The following CD96 variants were observed in gnomAD, a reference collection of about 807,000 sequenced individuals.
CD96 encodes T-cell surface protein tactile.
A neutral mutation model predicts 71.3 loss-of-function variants in CD96; 70 were observed. The observed-to-expected ratio is 0.98, with a 90% CI of 0.81 to 1.20. The LOEUF (loss-of-function observed/expected upper bound fraction) is 1.20, where lower values mean the gene tolerates loss of function less well. Among genes scored for constraint, CD96 ranks in the 50% most tolerant of loss-of-function variants. The pLI, the probability that CD96 is intolerant of heterozygous loss-of-function variation, is 0.00. For missense variants in CD96, 742 were observed against 677.5 expected, an observed-to-expected ratio of 1.10 and a Z score of -1.06; for synonymous variants, 248 against 233.0, an observed-to-expected ratio of 1.06 and a Z score of -0.59.
At chr3:111,641,841 A>G (rs1939606004) in intron 12 of CD96, among the ~76,000 whole-genome samples, 1 of 152,252 alleles carries the variant, frequency 6.6e-6, no homozygotes, top group Non-Finnish European at 1.5e-5. Flanking sequence ...CAACTCCAGA[A>G]GGAACCTTCA....
intron 12 of CD96, among the ~76,000 whole-genome samples, chr3:111,640,944 A>C (rs964281026): frequency 3.3e-5 from 5 of 152,196 alleles, no homozygotes; most frequent in Non-Finnish European, 7.3e-5. Context: ...ATCCTGGGAG[A>C]ATTTTACCAA....
chr3:111,544,896 G>A, intron 1 of CD96, 150 bp from the exon 2 acceptor site: 1 of 723,608 alleles, frequency 1.4e-6, no homozygotes, highest in South Asian at 1.5e-5. Context: ...CTCTATCTGA[G>A]TGAGACACAA....
At chr3:111,618,392 A>G (rs1391660639) in intron 8 of CD96, among the ~76,000 whole-genome samples, 1 of 152,180 alleles carries the variant, frequency 6.6e-6, no homozygotes, top group Non-Finnish European at 1.5e-5. Flanking sequence ...AGTTCATACA[A>G]TTATTAGGAG....
At chr3:111,657,863 C>T (rs1294744281) in intron 14 of CD96, among the ~76,000 whole-genome samples, 3 of 152,132 alleles carry the variant, frequency 2.0e-5, no homozygotes, top group Admixed American at 1.3e-4. Context: ...CCCATGATGT[C>T]CACCTGTCCT....
chr3:111,594,045 G>A lies in CD96; in HGVS notation c.808-4075G>A, dbSNP rs967555755. On this transcript the variant is annotated intron_variant, in intron 5 of 13. Transcript: ENST00000352690. ...AAATATTCCCATGCCTCAGAGAACC[G>A]GGTGCCCTTGTTGTGGGGCATTGGA... 5.0e-6 allele frequency: 8 copies of A among 1,614,030 alleles called. No individual in the cohort carries two copies. Among genetic ancestry groups the A allele is most frequent in the African/African-American group, 1.3e-5 (1 of 74,914 alleles).
intron 2 of CD96, among the ~76,000 whole-genome samples, chr3:111,564,198 T>C (rs1361307754): frequency 6.6e-6 from 1 of 152,008 alleles, no homozygotes; most frequent in Non-Finnish European, 1.5e-5. Context: ...ATATTTTTCT[T>C]GAATTATAGT....
chr3:111,546,682 G>GA (rs552607751), intron 2 of CD96, among the ~76,000 whole-genome samples: 82 of 150,760 alleles, frequency 5.4e-4, no homozygotes, highest in South Asian at 2.3e-3. Context: ...GGTAATATAA[G>GA]AAAAAAAAAT....
At chr3:111,630,311 A>G (rs1938994932) in intron 10 of CD96, among the ~76,000 whole-genome samples, 1 of 152,188 alleles carries the variant, frequency 6.6e-6, no homozygotes, top group Admixed American at 6.5e-5. Flanking sequence ...CACAATCAGA[A>G]ATTATAAGAG....
At chr3:111,657,408 C>T (rs1411305158) in intron 14 of CD96, among the ~76,000 whole-genome samples, 5 of 150,742 alleles carry the variant, frequency 3.3e-5, no homozygotes, top group Admixed American at 2.0e-4. Context: ...GAGTAAGACT[C>T]CATTTCAAAA....
chr3:111,640,682 G>T (rs1288333174), intron 12 of CD96, among the ~76,000 whole-genome samples: 1 of 152,198 alleles, frequency 6.6e-6, no homozygotes, highest in Non-Finnish European at 1.5e-5. Context: ...GAGGCACATT[G>T]TCATTAGGTT....
chr3:111,619,539 CAG>C (rs1647705069), intron 8 of CD96, among the ~76,000 whole-genome samples: 1 of 152,206 alleles, frequency 6.6e-6, no homozygotes, highest in South Asian at 2.1e-4. Flanking sequence ...CTCCCTATCA[CAG>C]AGTTTGTCAT....
chr3:111,593,938 G>A (rs1937123931), intron 5 of CD96: 1 of 1,613,746 alleles, frequency 6.2e-7, no homozygotes, highest in African/African-American at 1.3e-5. Flanking sequence ...TGACCCCAGG[G>A]CCACGGCTCA....
intron 3 of CD96, 122 bp downstream of exon 3, chr3:111,567,769 G>A (rs1935790115): frequency 1.1e-6 from 1 of 895,098 alleles, no homozygotes; most frequent in East Asian, 2.5e-5. Context: ...TATGCCAGTG[G>A]TGGGAAGAGG....
intron 8 of CD96, among the ~76,000 whole-genome samples, chr3:111,618,100 G>T (rs548989876): frequency 6.6e-6 from 1 of 152,346 alleles, no homozygotes; most frequent in South Asian, 2.1e-4. Context: ...GTGCCTGGCT[G>T]TGTGCAGTGG....
chr3:111,626,961 A>G (rs769727821), intron 10 of CD96, among the ~76,000 whole-genome samples: 19 of 152,214 alleles, frequency 1.2e-4, no homozygotes, highest in Admixed American at 3.3e-4. Context: ...TCAGGACAGC[A>G]TTTGCTTTTG....
At chr3:111,646,540 TA>T (rs60291711) in intron 12 of CD96, among the ~76,000 whole-genome samples, 12,374 of 131,880 alleles carry the variant, frequency 0.094, 722 homozygotes, top group East Asian at 0.27. Context: ...TACTGAAAAG[TA>T]AAAAAAAAAA....
In CD96 at chr3:111,663,642, A is replaced by G. The variant is rs563149296; in HGVS notation, c.*53-1885A>G. Among the ~76,000 whole-genome samples the G allele has an allele frequency of 2.6e-5, 4 of 152,318 alleles. No homozygotes were observed. In the East Asian group the frequency reaches 7.7e-4, roughly 29 times the overall value. ...CAACATCACTAATCATTAGAGAAAC[A>G]CAAACCAAAATCACAATGAGATACC... On this transcript the variant is annotated intron_variant and NMD_transcript_variant, in intron 14 of 14. Transcript: ENST00000494798.
intron 5 of CD96, chr3:111,594,310 G>A: frequency 2.2e-6 from 3 of 1,380,920 alleles, no homozygotes; most frequent in Non-Finnish European, 2.9e-6. Context: ...TAACTCTTGG[G>A]GATTCACAAT....
intron 14 of CD96, among the ~76,000 whole-genome samples, chr3:111,658,133 T>C (rs1205145889): frequency 1.3e-5 from 2 of 152,196 alleles, no homozygotes; most frequent in African/African-American, 4.8e-5. Context: ...TGAAATACTT[T>C]GTTAGGTCAG....
Sources: allele counts gnomAD v4.1 joint callset (sites outside exome capture counted in the v4.1 genomes callset), GRCh38; gene constraint gnomAD v4.1.1; transcripts MANE v1.5; gene names NCBI Gene and HGNC (gene_info 2026-07-23, HGNC 2026-07-21).